Variants in ANKRD29 observed in about 807,000 individuals in gnomAD.
ANKRD29 encodes ankyrin repeat domain 29.
In ANKRD29, 32 loss-of-function variants were observed where a neutral mutation model predicts 38.0. The observed-to-expected ratio is 0.84, with a 90% confidence interval of 0.64 to 1.13. ANKRD29 has a LOEUF of 1.13. Ranked by LOEUF, ANKRD29 falls within the 50% of genes most tolerant of loss-of-function variation. The pLI is 0.00. For synonymous variants in ANKRD29, 135 were observed against 152.4 expected (o/e 0.89, Z 0.84); for missense variants, 357 against 377.9 (o/e 0.94, Z 0.46).
intron 3 of ANKRD29, among the ~76,000 whole-genome samples, chr18:23,641,554 G>A (rs539750470): frequency 3.9e-5 from 6 of 152,374 alleles, no homozygotes; most frequent in Middle Eastern, 6.8e-3. Flanking sequence ...GTGCTGACAA[G>A]CACAGGAGGG....
chr18:23,661,084 G>A (rs1321972931), intron 1 of ANKRD29, among the ~76,000 whole-genome samples: 1 of 152,204 alleles, frequency 6.6e-6, no homozygotes, highest in East Asian at 1.9e-4. Context: ...TGGTGTAAGT[G>A]ACAGCACATG....
chr18:23,615,004 A>G (rs1477387711), intron 8 of ANKRD29, among the ~76,000 whole-genome samples: 6 of 152,194 alleles, frequency 3.9e-5, no homozygotes, highest in African/African-American at 1.4e-4. Flanking sequence ...AAATCCTGCA[A>G]GCTAAGAACG....
intron 1 of ANKRD29, among the ~76,000 whole-genome samples, chr18:23,655,944 T>C (rs2060275201): frequency 6.7e-6 from 1 of 149,412 alleles, no homozygotes; most frequent in Admixed American, 6.6e-5. Flanking sequence ...ATACAAAAAA[T>C]TAGCCGGGCG....
intron 9 of ANKRD29, among the ~76,000 whole-genome samples, chr18:23,606,126 A>G (rs551327701): frequency 1.1e-3 from 166 of 152,204 alleles, no homozygotes; most frequent in African/African-American, 3.8e-3. Flanking sequence ...TTGCTTTTAT[A>G]GGGGACAGGT....
At chr18:23,627,820 A>C (rs1207845284) in intron 6 of ANKRD29, among the ~76,000 whole-genome samples, 1 of 152,206 alleles carries the variant, frequency 6.6e-6, no homozygotes. Flanking sequence ...TTTTAGTAAA[A>C]TGAATCATCT....
intron 3 of ANKRD29, among the ~76,000 whole-genome samples, chr18:23,644,044 C>A (rs1489565718): frequency 1.3e-5 from 2 of 152,174 alleles, no homozygotes; most frequent in South Asian, 4.1e-4. Flanking sequence ...CAGGAACTTA[C>A]ATAGCACCAT....
At chr18:23,629,710 A>G (rs1413180212) in intron 6 of ANKRD29, 143 bp downstream of exon 6, 2 of 671,938 alleles carry the variant, frequency 3.0e-6, no homozygotes, top group Admixed American at 2.6e-5. Context: ...CTAATCAAAG[A>G]TTAACTTTTC....
intron 9 of ANKRD29, among the ~76,000 whole-genome samples, chr18:23,606,548 T>G (rs1220016453): frequency 6.6e-6 from 1 of 152,124 alleles, no homozygotes; most frequent in African/African-American, 2.4e-5. Flanking sequence ...CAGGCTCAAG[T>G]GATCCTCCCA....
intron 6 of ANKRD29, 44 bp from the exon 7 acceptor site, chr18:23,619,673 G>T: frequency 2.0e-6 from 3 of 1,486,320 alleles, no homozygotes; most frequent in Non-Finnish European, 2.7e-6. Flanking sequence ...GGGGCGCCCG[G>T]CCCCACCCGC....
At chr18:23,655,981 T>C (rs2060276247) in intron 1 of ANKRD29, among the ~76,000 whole-genome samples, 1 of 147,862 alleles carries the variant, frequency 6.8e-6, no homozygotes, top group African/African-American at 2.5e-5. Context: ...TAGTCCCAGC[T>C]ACTCGGGAGG....
intron 3 of ANKRD29, among the ~76,000 whole-genome samples, chr18:23,644,661 G>T (rs2060116640): frequency 6.6e-6 from 1 of 152,198 alleles, no homozygotes; most frequent in Non-Finnish European, 1.5e-5. Context: ...ATGGTCCACA[G>T]CCAAGGCCTC....
intron 6 of ANKRD29, among the ~76,000 whole-genome samples, chr18:23,622,589 T>C (rs1323244478): frequency 1.3e-5 from 2 of 152,150 alleles, no homozygotes; most frequent in African/African-American, 4.8e-5. Context: ...CTACCTATCA[T>C]GGAGTCTTGC....
chr18:23,613,885 C>A (rs571275440), intron 8 of ANKRD29, among the ~76,000 whole-genome samples: 2 of 151,838 alleles, frequency 1.3e-5, no homozygotes, highest in South Asian at 2.1e-4. Flanking sequence ...GGCATGAGCC[C>A]CCACGCCCAG....
Position 23,619,627 on chromosome 18 carries a change from G to T in ANKRD29, c.531C>A (p.Asp177Glu). 1.9e-6 allele frequency: 3 copies of T among 1,572,052 alleles called. No individual in the cohort carries two copies. Among genetic ancestry groups the T allele is most frequent in the Non-Finnish European group, 2.6e-6 (3 of 1,169,730 alleles). ...ACGCGATCCACAGGGGCGCTGTCCC[G>T]TCCTGCGGGAAGAGGAGGCGGCGGC... ...SGAKVNQPRQ[D>E]GTAPLWIASQ... Residue 177 changes from aspartate to glutamate, a missense_variant and splice_region_variant, in exon 7 of 10, where the codon GAC becomes GAA. By Grantham distance (45) the Asp-to-Glu change is conservative. Coordinates refer to ENST00000592179, the MANE Select transcript of ANKRD29 (RefSeq NM_173505.4).
Position 23,659,698 on chromosome 18 carries a change from G to A in ANKRD29, c.21+3012C>T, listed in dbSNP as rs540963719. Among the ~76,000 whole-genome samples, 32 of 144,190 alleles carry A rather than the reference G, an allele frequency of 2.2e-4. No homozygotes were observed. In the South Asian group the frequency reaches 5.7e-3, roughly 25 times the overall value. 94.6% of individuals were successfully genotyped at this position (144,190 alleles called of 152,430 possible). On this transcript the variant is annotated intron_variant, in intron 1 of 9. Transcript: ENST00000592179. Reference sequence around the variant, plus strand: ...GCAGAGGTTGCGGTGAGCTGAGATCGTGCCACTGTACTCCAGCCTGATGAC... The same window carrying A: ...GCAGAGGTTGCGGTGAGCTGAGATCATGCCACTGTACTCCAGCCTGATGAC...
intron 1 of ANKRD29, among the ~76,000 whole-genome samples, chr18:23,662,148 G>C (rs751962675): frequency 1.3e-5 from 2 of 152,100 alleles, no homozygotes; most frequent in Non-Finnish European, 2.9e-5. Flanking sequence ...CATTTTAACT[G>C]CTATTTTTAT....
At chr18:23,620,095 C>T (rs2059778010) in intron 6 of ANKRD29, among the ~76,000 whole-genome samples, 1 of 152,110 alleles carries the variant, frequency 6.6e-6, no homozygotes, top group Admixed American at 6.5e-5. Flanking sequence ...TGGGTCACAC[C>T]TTAATGTTCA....
chr18:23,654,885 C>T (rs1048645117), intron 1 of ANKRD29, among the ~76,000 whole-genome samples: 1 of 151,886 alleles, frequency 6.6e-6, no homozygotes, highest in Admixed American at 6.6e-5. Context: ...TAATTAAAAG[C>T]TAAGAGGGGG....
chr18:23,654,038 C>T (rs1207148963), intron 1 of ANKRD29, among the ~76,000 whole-genome samples: 8 of 151,534 alleles, frequency 5.3e-5, no homozygotes, highest in Non-Finnish European at 1.2e-4. Context: ...GAGGCCCAGG[C>T]GGGCAGATCA....
Sources: gnomAD v4.1 joint callset for allele counts (sites outside exome capture counted in the v4.1 genomes callset) on GRCh38, gnomAD v4.1.1 for gene constraint, MANE v1.5 for transcripts, NCBI Gene and HGNC (gene_info 2026-07-23, HGNC 2026-07-21) for gene names.